FCHO2: variants seen among roughly 807,000 people sequenced by gnomAD.
The protein encoded by FCHO2 is FCH and mu domain containing endocytic adaptor 2.
Under a neutral mutation model 114.1 loss-of-function variants are expected in FCHO2, and 43 were observed. That is an observed-to-expected ratio of 0.38 (90% CI 0.30 to 0.49). The LOEUF (loss-of-function observed/expected upper bound fraction) is 0.49, where lower values mean the gene tolerates loss of function less well. Ranked by LOEUF, FCHO2 falls within the 20% of genes least tolerant of loss-of-function variation. FCHO2 has a pLI of 0.97. For synonymous variants in FCHO2, 293 were observed against 315.2 expected (o/e 0.93, Z 0.75); for missense variants, 807 against 950.4 (o/e 0.85, Z 1.98).
chr5:72,999,303 T>C (rs558335007), intron 5 of FCHO2, among the ~76,000 whole-genome samples: 1 of 152,170 alleles, frequency 6.6e-6, no homozygotes, highest in Non-Finnish European at 1.5e-5. Context: ...TTGAATAATT[T>C]TTTTGTGACT....
At chr5:72,960,567 A>G (rs955091030) in intron 1 of FCHO2, among the ~76,000 whole-genome samples, 20 of 152,190 alleles carry the variant, frequency 1.3e-4, no homozygotes, top group Non-Finnish European at 2.8e-4. Flanking sequence ...GTAACTTTAA[A>G]AAGATATTGA....
chr5:73,040,933 A>G (rs1756772560), intron 10 of FCHO2, among the ~76,000 whole-genome samples: 1 of 152,148 alleles, frequency 6.6e-6, no homozygotes, highest in East Asian at 1.9e-4. Context: ...GCCATTAGAA[A>G]GCCTTGTAGG....
intron 15 of FCHO2, among the ~76,000 whole-genome samples, chr5:73,054,903 G>T (rs1757514049): frequency 6.6e-6 from 1 of 151,988 alleles, no homozygotes; most frequent in African/African-American, 2.4e-5. Context: ...TTTTTAAGTT[G>T]TGTCACAATT....
chr5:72,967,039 A>G (rs1388372742), intron 1 of FCHO2, among the ~76,000 whole-genome samples: 1 of 152,242 alleles, frequency 6.6e-6, no homozygotes, highest in Non-Finnish European at 1.5e-5. Flanking sequence ...TAATCCCAGC[A>G]CATTGGGAAG....
intron 5 of FCHO2, chr5:72,996,933 A>G (rs2112686677): frequency 6.2e-7 from 1 of 1,601,754 alleles, no homozygotes; most frequent in South Asian, 1.1e-5. Context: ...ATGCGGACGC[A>G]GTGTCTGCTG....
At chr5:73,006,394 A>G (rs1754716534) in intron 5 of FCHO2, 51 bp from the exon 6 acceptor site, 1 of 1,115,686 alleles carries the variant, frequency 9.0e-7, no homozygotes, top group African/African-American at 1.6e-5. Flanking sequence ...ACATTAGGAA[A>G]GAAAAAAGGT....
At chr5:72,970,460 A>G (rs547775440) in intron 2 of FCHO2, among the ~76,000 whole-genome samples, 1 of 152,048 alleles carries the variant, frequency 6.6e-6, no homozygotes, top group South Asian at 2.1e-4. Flanking sequence ...CACCTAGTTA[A>G]TGCCTACTTA....
chr5:73,047,688 T>G (rs968218079), intron 11 of FCHO2, among the ~76,000 whole-genome samples: 2 of 152,044 alleles, frequency 1.3e-5, no homozygotes, highest in Non-Finnish European at 2.9e-5. Flanking sequence ...ACTGTCATAG[T>G]GTTTATATAT....
At chr5:73,035,156 G>A (rs1756434846) in intron 9 of FCHO2, among the ~76,000 whole-genome samples, 1 of 152,114 alleles carries the variant, frequency 6.6e-6, no homozygotes, top group Admixed American at 6.6e-5. Flanking sequence ...AGTGGCTCAT[G>A]CTTGTAATCT....
chr5:73,045,894 G>A (rs1407685451), intron 11 of FCHO2, among the ~76,000 whole-genome samples: 1 of 152,024 alleles, frequency 6.6e-6, no homozygotes, highest in Non-Finnish European at 1.5e-5. Flanking sequence ...TTGTTCCTCT[G>A]TTTTTGTTTC....
At chr5:73,069,563 C>G (rs1235596430) in intron 19 of FCHO2, among the ~76,000 whole-genome samples, 1 of 151,926 alleles carries the variant, frequency 6.6e-6, no homozygotes, top group Non-Finnish European at 1.5e-5. Context: ...CTATGAGAGT[C>G]TAATGCCGCT....
intron 8 of FCHO2, among the ~76,000 whole-genome samples, chr5:73,029,793 A>G (rs979065112): frequency 1.3e-5 from 2 of 152,084 alleles, no homozygotes; most frequent in Non-Finnish European, 2.9e-5. Flanking sequence ...CTTGTGTGAA[A>G]TAACTTAGCG....
At position 73,078,200 on chromosome 5, in the gene FCHO2, C is replaced by G. The variant is rs1406073140; in HGVS notation, c.1868C>G (p.Ser623Cys). 2.2e-5 allele frequency: 34 copies of G among 1,565,580 alleles called. 1 individual carries two copies. Among genetic ancestry groups the G allele is most frequent in the Non-Finnish European group, 2.6e-5 (30 of 1,156,112 alleles). The stretch of plus-strand genomic sequence containing the variant: ...TGTAGTGATCCATCACAATGTGATT[C>G]CAACACAAAAGATTTTTGGATGAAC... ...LVFSDPSQCD[S>C]NTKDFWMNMQ... The change falls in exon 22 of 26, where the codon TCC (serine) becomes TGC (cysteine). Residue 623 changes from serine to cysteine, a missense_variant. Ser to Cys is a moderately radical substitution (Grantham distance 112, BLOSUM62 -1). Transcript: ENST00000430046.
intron 20 of FCHO2, among the ~76,000 whole-genome samples, chr5:73,075,867 A>C (rs1742886033): frequency 6.6e-6 from 1 of 151,646 alleles, no homozygotes; most frequent in South Asian, 2.1e-4. Flanking sequence ...GGAAATGTTG[A>C]ATTGATACTT....
Position 73,067,772 on chromosome 5 carries a change from G to GT in FCHO2, c.1450-869dup, listed in dbSNP as rs200229185. On this transcript the variant is annotated intron_variant, in intron 18 of 25. Coordinates refer to ENST00000430046, the MANE Select transcript of FCHO2 (RefSeq NM_138782.3). ...CTTTTATAAGCAGGAAAAGGTTTTT[G>GT]TTTTTTTTTAAATGAAGACAAATAC... 1.1e-4 allele frequency among the ~76,000 whole-genome samples: 16 copies of GT among 149,688 alleles called. No homozygotes were observed. The East Asian group carries it at 2.0e-3, about 18-fold the overall frequency.
chr5:73,054,627 T>C (rs1050849612), intron 15 of FCHO2, 78 bp downstream of exon 15: 1 of 1,073,478 alleles, frequency 9.3e-7, no homozygotes, highest in Non-Finnish European at 1.4e-6. Flanking sequence ...TACCTTTAGC[T>C]GTAGAAATAA....
intron 1 of FCHO2, among the ~76,000 whole-genome samples, chr5:72,960,188 T>C (rs537293750): frequency 6.6e-6 from 1 of 152,258 alleles, no homozygotes; most frequent in Non-Finnish European, 1.5e-5. Flanking sequence ...TTTGAATCGT[T>C]GAAACTCTCT....
intron 18 of FCHO2, among the ~76,000 whole-genome samples, chr5:73,065,122 T>G (rs1159038792): frequency 6.6e-6 from 1 of 152,010 alleles, no homozygotes; most frequent in Non-Finnish European, 1.5e-5. Context: ...GGTGATATCT[T>G]TCTTTTCCGA....
At chr5:72,978,134 A>G (rs1033384230) in intron 2 of FCHO2, among the ~76,000 whole-genome samples, 4 of 152,174 alleles carry the variant, frequency 2.6e-5, no homozygotes, top group Admixed American at 6.5e-5. Flanking sequence ...AGTTTTTTCT[A>G]ATTCTGTGAA....
Sources: allele counts gnomAD v4.1 joint callset (sites outside exome capture counted in the v4.1 genomes callset), GRCh38; gene constraint gnomAD v4.1.1; transcripts MANE v1.5; gene names NCBI Gene and HGNC (gene_info 2026-07-23, HGNC 2026-07-21).